Variants in DCC observed in about 807,000 individuals in gnomAD.
DCC encodes netrin receptor DCC.
A neutral mutation model predicts 172.5 loss-of-function variants in DCC; 58 were observed. That is an observed-to-expected ratio of 0.34 (90% CI 0.27 to 0.42). The LOEUF is 0.42. DCC is among the 10% of genes least tolerant of loss of function. The pLI, the probability that DCC is intolerant of heterozygous loss-of-function variation, is 1.00. For missense variants in DCC, 1,740 were observed against 1,791.0 expected, an observed-to-expected ratio of 0.97 and a Z score of 0.51; for synonymous variants, 709 against 644.5, an observed-to-expected ratio of 1.10 and a Z score of -1.52.
At chr18:53,006,022 A>G (rs1042007170) in intron 5 of DCC, among the ~76,000 whole-genome samples, 3 of 152,200 alleles carry the variant, frequency 2.0e-5, no homozygotes, top group African/African-American at 7.2e-5. Context: ...CAATGACAAA[A>G]TCAGGCAAGA....
At chr18:53,427,426 T>C (rs1308653188) in intron 21 of DCC, among the ~76,000 whole-genome samples, 1 of 152,130 alleles carries the variant, frequency 6.6e-6, no homozygotes, top group African/African-American at 2.4e-5. Flanking sequence ...AAGAATTCAA[T>C]TGTTATTCAG....
chr18:53,494,605 G>A (rs1336575299), intron 26 of DCC, among the ~76,000 whole-genome samples: 1 of 152,150 alleles, frequency 6.6e-6, no homozygotes, highest in African/African-American at 2.4e-5. Flanking sequence ...TTGGCTTAAA[G>A]TCTGTTTTAT....
At chr18:53,102,563 C>T (rs930070334) in intron 7 of DCC, among the ~76,000 whole-genome samples, 4 of 152,004 alleles carry the variant, frequency 2.6e-5, no homozygotes, top group African/African-American at 9.7e-5. Flanking sequence ...GGTGAGTGAG[C>T]ATTGCTCCCT....
intron 5 of DCC, among the ~76,000 whole-genome samples, chr18:52,968,053 G>T (rs1203763508): frequency 6.6e-6 from 1 of 152,126 alleles, no homozygotes; most frequent in Non-Finnish European, 1.5e-5. Flanking sequence ...TCTTGGAAAG[G>T]TGTATATTAT....
intron 7 of DCC, among the ~76,000 whole-genome samples, chr18:53,110,578 A>T (rs1036564052): frequency 4.6e-5 from 7 of 151,874 alleles, no homozygotes; most frequent in African/African-American, 1.7e-4. Context: ...CCTATCAAAA[A>T]TTGGGCGAAG....
At chr18:52,736,737 A>G (rs1018006552) in intron 1 of DCC, among the ~76,000 whole-genome samples, 1 of 152,140 alleles carries the variant, frequency 6.6e-6, no homozygotes, top group Non-Finnish European at 1.5e-5. Context: ...CATGATAACT[A>G]ATTAGTCCCC....
chr18:53,063,658 C>A (rs2042527755), intron 6 of DCC, 199 bp downstream of exon 6: 6 of 545,608 alleles, frequency 1.1e-5, no homozygotes, highest in Admixed American at 3.2e-5. Context: ...AAGAATTCAG[C>A]CCCCTGGTTT....
intron 15 of DCC, among the ~76,000 whole-genome samples, chr18:53,381,560 A>ACCCCCCCCCCC (rs747015453): frequency 5.9e-4 from 55 of 93,480 alleles, no homozygotes; most frequent in African/African-American, 7.7e-4. Flanking sequence ...TTTACCCCCC[A>ACCCCCCCCCCC]CCCCCCCCCC....
Position 52,930,250 on chromosome 18 carries a change from C to T in DCC, c.985+4880C>T, listed in dbSNP as rs1461158573. ...AAGGTTCTGGGATTACAGGCATGAG[C>T]CATCGCACCCAACCTTCAGCTTTAT... On this transcript the variant is annotated intron_variant, in intron 5 of 28. Coordinates refer to ENST00000442544, the MANE Select transcript of DCC (RefSeq NM_005215.4). 3.9e-5 allele frequency among the ~76,000 whole-genome samples: 6 copies of T among 152,190 alleles called. No homozygotes were observed. In the East Asian group the frequency reaches 7.7e-4, roughly 20 times the overall value.
At chr18:53,338,208 T>C (rs2057613393) in intron 14 of DCC, among the ~76,000 whole-genome samples, 2 of 152,220 alleles carry the variant, frequency 1.3e-5, no homozygotes, top group African/African-American at 4.8e-5. Flanking sequence ...GACTATAAAC[T>C]CCAATAGTGC....
rs115478821 is a variant in DCC, at chr18:52,423,987, C to A, written c.91+83109C>A. On this transcript the variant is annotated intron_variant, in intron 1 of 28. Coordinates refer to ENST00000442544, the MANE Select transcript of DCC (RefSeq NM_005215.4). ...CTAGGACCAAGAATGGTTTCTTGTT[C>A]ATCCTTTCTACCAAAAGTCCAGGAT... 2.5e-3 allele frequency among the ~76,000 whole-genome samples: 379 copies of A among 152,196 alleles called. 3 individuals carry two copies. Among genetic ancestry groups the A allele is most frequent in the African/African-American group, 8.8e-3 (365 of 41,542 alleles).
intron 1 of DCC, among the ~76,000 whole-genome samples, chr18:52,703,443 T>G (rs2036158241): frequency 6.6e-6 from 1 of 152,198 alleles, no homozygotes; most frequent in Admixed American, 6.5e-5. Flanking sequence ...GGGCTACCTT[T>G]ACGACATTTG....
chr18:52,765,777 A>T (rs917674881), intron 2 of DCC, among the ~76,000 whole-genome samples: 3 of 152,206 alleles, frequency 2.0e-5, no homozygotes, highest in Admixed American at 1.3e-4. Context: ...TTAGGGACAC[A>T]GGCTTCAGAG....
chr18:52,927,168 T>TGTATATACGTGTATATAC lies in DCC; in HGVS notation c.985+1805_985+1806insCGTGTATATACGTATATA, dbSNP rs145607696. Among the ~76,000 whole-genome samples the TGTATATACGTGTATATAC allele has an allele frequency of 4.9e-5, 4 of 82,452 alleles. 1 individual carries two copies. The highest frequency in any genetic ancestry group is 1.0e-4 in the Non-Finnish European group (4 of 38,368). The allele number at this position is 82,452 out of a possible 152,430, so 54.1% of individuals were successfully genotyped here. ...ATATGTGTATATATACGTATATATGTGTATATATGTGTATATATACGTATA... is the reference window on the plus strand; with the variant it reads ...ATATGTGTATATATACGTATATATGTGTATATACGTGTATATACGTATATATGTGTATATATACGTATA... On this transcript the variant is annotated intron_variant, in intron 5 of 28. Coordinates refer to ENST00000442544, the MANE Select transcript of DCC (RefSeq NM_005215.4).
chr18:52,805,846 T>C (rs940191559), intron 2 of DCC, among the ~76,000 whole-genome samples: 2 of 152,196 alleles, frequency 1.3e-5, no homozygotes, highest in African/African-American at 4.8e-5. Context: ...TCTCAAGAGA[T>C]AGGCAGTACC....
intron 1 of DCC, among the ~76,000 whole-genome samples, chr18:52,416,841 G>A (rs1987050679): frequency 6.6e-6 from 1 of 152,030 alleles, no homozygotes; most frequent in Non-Finnish European, 1.5e-5. Context: ...GCCAGTCTGT[G>A]TCTTTTAATT....
intron 20 of DCC, among the ~76,000 whole-genome samples, chr18:53,415,853 A>G (rs1193022998): frequency 6.6e-6 from 1 of 151,992 alleles, no homozygotes; most frequent in African/African-American, 2.4e-5. Context: ...TTAAATTTAT[A>G]TAATTGTTCT....
chr18:52,621,502 C>T lies in DCC; in HGVS notation c.92-130552C>T, dbSNP rs565661164. On this transcript the variant is annotated intron_variant, in intron 1 of 28. Coordinates refer to ENST00000442544, the MANE Select transcript of DCC (RefSeq NM_005215.4). ...ACTCATTGCACCTCATTCCTTTCTA[C>T]CCGGAGCTTACAACCTCACTCTGAT... 1.4e-3 allele frequency among the ~76,000 whole-genome samples: 212 copies of T among 152,284 alleles called. 3 individuals carry two copies. Among genetic ancestry groups the T allele is most frequent in the Middle Eastern group, 3.4e-3 (1 of 292 alleles).
In DCC at chr18:53,184,556, T is replaced by C. The variant is rs143003342; in HGVS notation, c.1573+5440T>C. 5.6e-3 allele frequency among the ~76,000 whole-genome samples: 855 copies of C among 152,228 alleles called. 6 individuals are homozygous for C. The highest frequency in any genetic ancestry group is 0.023 in the Admixed American group (351 of 15,292). ...ATTGCTCCTAGGCTGCAAACCTGTA[T>C]AGCATGTGACGGTACTGAATACTGC... On this transcript the variant is annotated intron_variant, in intron 9 of 28. Transcript: ENST00000442544.
Sources: gnomAD v4.1 joint callset for allele counts (sites outside exome capture counted in the v4.1 genomes callset) on GRCh38, gnomAD v4.1.1 for gene constraint, MANE v1.5 for transcripts, NCBI Gene and HGNC (gene_info 2026-07-23, HGNC 2026-07-21) for gene names.